Variants in BCAS3 observed in about 807,000 individuals in gnomAD.
BCAS3 encodes BCAS4/BCAS3 fusion.
In BCAS3, 53 loss-of-function variants were observed where a neutral mutation model predicts 116.1. That is an observed-to-expected ratio of 0.46 (90% CI 0.37 to 0.57). The LOEUF is 0.57. Ranked by LOEUF, BCAS3 falls within the 20% of genes least tolerant of loss-of-function variation. The pLI is 0.00. For synonymous variants in BCAS3, 391 were observed against 408.2 expected (o/e 0.96, Z 0.51); for missense variants, 917 against 1,165.4 (o/e 0.79, Z 3.10).
chr17:60,707,752 A>G (rs2037354126), intron 4 of BCAS3, among the ~76,000 whole-genome samples: 1 of 152,142 alleles, frequency 6.6e-6, no homozygotes, highest in Admixed American at 6.6e-5. Flanking sequence ...CATATATTGA[A>G]ATGATCATAT....
intron 7 of BCAS3, among the ~76,000 whole-genome samples, chr17:60,853,603 T>C (rs1416537589): frequency 6.6e-6 from 1 of 152,218 alleles, no homozygotes; most frequent in Non-Finnish European, 1.5e-5. Context: ...TAGTCACTAG[T>C]AACATTTTTA....
chr17:61,115,055 G>A (rs1264594898), intron 22 of BCAS3, among the ~76,000 whole-genome samples: 10 of 145,892 alleles, frequency 6.9e-5, no homozygotes, highest in South Asian at 2.2e-4. Flanking sequence ...AGCTGAAACT[G>A]GATCCCTTCC....
rs948280709 is a variant in BCAS3, at chr17:61,084,882, C to T, written c.2425+318C>T. ...GTGGAGAAGCAACCTTGACAGAGAACGTAAATACAATCTATGGATTCAATT... is the reference window on the plus strand; with the variant it reads ...GTGGAGAAGCAACCTTGACAGAGAATGTAAATACAATCTATGGATTCAATT... On this transcript the variant is annotated intron_variant, in intron 22 of 23. Coordinates refer to ENST00000407086, the MANE Select transcript of BCAS3 (RefSeq NM_017679.5). This position sits in a 1 kb window ranked among gnomAD's most constrained non-coding sequence, Gnocchi z 5.5. 5.3e-5 allele frequency among the ~76,000 whole-genome samples: 8 copies of T among 152,132 alleles called. No individual in the cohort carries two copies. The highest frequency in any genetic ancestry group is 1.3e-4 in the Admixed American group (2 of 15,276).
intron 19 of BCAS3, chr17:61,070,397 A>ATATATATATC (rs1218400832): frequency 9.7e-5 from 17 of 175,228 alleles, no homozygotes; most frequent in Admixed American, 4.2e-4. Context: ...ATATATATAT[A>ATATATATATC]TATCTTTTCA....
At chr17:61,221,981 C>T (rs958733867) in intron 22 of BCAS3, among the ~76,000 whole-genome samples, 1 of 152,188 alleles carries the variant, frequency 6.6e-6, no homozygotes, top group Non-Finnish European at 1.5e-5. Context: ...CAGTATGGCA[C>T]AGTACCTGGC....
At chr17:61,370,516 G>A (rs2058992831) in intron 23 of BCAS3, among the ~76,000 whole-genome samples, 1 of 152,140 alleles carries the variant, frequency 6.6e-6, no homozygotes, top group South Asian at 2.1e-4. Context: ...AGCCTCCTGA[G>A]TAGCTATGAT....
rs553801527 is a variant in BCAS3 at position 61,214,373 on chromosome 17, A to G, written c.2425+129809A>G. On this transcript the variant is annotated intron_variant, in intron 22 of 23. Transcript: ENST00000407086. The surrounding 1 kb of genome is among the most constrained non-coding windows in gnomAD (Gnocchi z 4.4). ...CAGAGCAAGACCCTATCTCAAAAAT[A>G]AATAAATAAATAAATAAATAAATAT... 7.9e-5 allele frequency among the ~76,000 whole-genome samples: 12 copies of G among 151,300 alleles called. No individual in the cohort carries two copies. In the East Asian group the frequency reaches 2.3e-3, roughly 29 times the overall value.
chr17:60,709,350 C>G (rs768170416), intron 5 of BCAS3, 25 bp downstream of exon 5: 19 of 1,276,030 alleles, frequency 1.5e-5, no homozygotes, highest in Admixed American at 1.4e-4. Flanking sequence ...GGTTGAATAC[C>G]TAAAACATAC....
At chr17:61,014,340 A>G (rs1479896491) in intron 15 of BCAS3, among the ~76,000 whole-genome samples, 1 of 152,138 alleles carries the variant, frequency 6.6e-6, no homozygotes, top group Non-Finnish European at 1.5e-5. Flanking sequence ...AAACTACAGT[A>G]ATTGAGAAAA....
At chr17:61,389,731 T>G (rs530357458) in intron 23 of BCAS3, 1 of 152,276 alleles carries the variant, frequency 6.6e-6, no homozygotes, top group Non-Finnish European at 1.5e-5. Flanking sequence ...GAACAGGACA[T>G]TCATCTTGTA....
intron 22 of BCAS3, among the ~76,000 whole-genome samples, chr17:61,257,988 T>C (rs1468738665): frequency 6.6e-6 from 1 of 152,212 alleles, no homozygotes; most frequent in African/African-American, 2.4e-5. Context: ...GTTAATCCTC[T>C]CTTGAGCATA....
chr17:61,387,874 T>TC lies in BCAS3; in HGVS notation c.2594-4100dup, dbSNP rs979122282. ...AGCTCCCACCACCCAGGGGACCACA[T>TC]CCCTGGAGAGTGCAAGGTCACAATG... On this transcript the variant is annotated intron_variant, in intron 23 of 23. Coordinates refer to ENST00000407086, the MANE Select transcript of BCAS3 (RefSeq NM_017679.5). The surrounding 1 kb of genome is among the most constrained non-coding windows in gnomAD (Gnocchi z 6.2). Among the ~76,000 whole-genome samples the TC allele has an allele frequency of 6.6e-6, 1 of 152,118 alleles. No individual in the cohort carries two copies. Among genetic ancestry groups the TC allele is most frequent in the Non-Finnish European group, 1.5e-5 (1 of 68,018 alleles).
At chr17:61,143,552 G>A (rs907624643) in intron 22 of BCAS3, among the ~76,000 whole-genome samples, 2 of 152,212 alleles carry the variant, frequency 1.3e-5, no homozygotes, top group African/African-American at 4.8e-5. Context: ...GCTCACGCCT[G>A]TAATCCCAGC....
At chr17:60,981,687 T>C (rs973575208) in intron 14 of BCAS3, among the ~76,000 whole-genome samples, 1 of 152,246 alleles carries the variant, frequency 6.6e-6, no homozygotes, top group Non-Finnish European at 1.5e-5. Context: ...CATCTTTGTA[T>C]AGTGCTTATT....
intron 13 of BCAS3, among the ~76,000 whole-genome samples, chr17:60,933,935 T>A (rs747895): frequency 0.21 from 32,236 of 152,094 alleles, 4,216 homozygotes; most frequent in African/African-American, 0.38. Context: ...CCTTTACTCA[T>A]GTAATGGATT....
chr17:60,881,341 C>T (rs2056126243), intron 9 of BCAS3, among the ~76,000 whole-genome samples: 1 of 152,028 alleles, frequency 6.6e-6, no homozygotes, highest in Non-Finnish European at 1.5e-5. Flanking sequence ...TGATGAAGTC[C>T]AATTTATGTA....
At chr17:60,719,501 T>C (rs1443148705) in intron 5 of BCAS3, among the ~76,000 whole-genome samples, 1 of 152,256 alleles carries the variant, frequency 6.6e-6, no homozygotes, top group Non-Finnish European at 1.5e-5. Context: ...TGCAATCATG[T>C]ATTATTTTAT....
chr17:61,055,479 C>T (rs1160365061), intron 19 of BCAS3, among the ~76,000 whole-genome samples: 1 of 152,146 alleles, frequency 6.6e-6, no homozygotes. Flanking sequence ...TGGATAGACC[C>T]TTTCTTTGTC....
intron 15 of BCAS3, among the ~76,000 whole-genome samples, chr17:61,001,666 T>G (rs2064247528): frequency 6.6e-6 from 1 of 152,140 alleles, no homozygotes; most frequent in Non-Finnish European, 1.5e-5. Context: ...AAAAATCTTG[T>G]GGGGGGATAT....
Sources: allele counts gnomAD v4.1 joint callset (sites outside exome capture counted in the v4.1 genomes callset), GRCh38; gene constraint gnomAD v4.1.1; non-coding constraint Gnocchi (gnomAD v3.1); transcripts MANE v1.5; gene names NCBI Gene and HGNC (gene_info 2026-07-23, HGNC 2026-07-21).